Variants in FNDC3B observed in about 807,000 individuals in gnomAD.
FNDC3B encodes the protein fibronectin type III domain containing 3B, also known as fibronectin type III domain-containing protein 3B.
In FNDC3B, 12 loss-of-function variants were observed where a neutral mutation model predicts 151.5. That is an observed-to-expected ratio of 0.08 (90% CI 0.05 to 0.13). FNDC3B has a LOEUF of 0.13. Ranked by LOEUF, FNDC3B falls within the 10% of genes least tolerant of loss-of-function variation. The probability of loss-of-function intolerance (pLI) is 1.00; values close to 1 mark genes in which losing one functional copy is unlikely to be tolerated. For synonymous variants in FNDC3B, 528 were observed against 549.0 expected, an observed-to-expected ratio of 0.96 and a Z score of 0.54; for missense variants, 1,214 against 1,505.3, an observed-to-expected ratio of 0.81 and a Z score of 3.20.
intron 6 of FNDC3B, among the ~76,000 whole-genome samples, chr3:172,252,934 T>A (rs956562990): frequency 6.6e-6 from 1 of 152,228 alleles, no homozygotes; most frequent in Non-Finnish European, 1.5e-5. Context: ...TAATTTTTAG[T>A]CAAATGATAC....
Position 172,397,145 on chromosome 3 carries a change from G to T in FNDC3B, c.3304-19G>T. The T allele has an allele frequency of 6.4e-7, 1 of 1,573,310 alleles. No homozygotes were observed. The highest frequency in any genetic ancestry group is 1.2e-5 in the South Asian group (1 of 85,522). ...GTGTTGCTATAAATTAATTAACTAG[G>T]ACTCTTCTTTTCCTGAAGGTGTACA... On this transcript the variant is annotated intron_variant, in intron 25 of 25. Coordinates refer to ENST00000415807, the MANE Select transcript of FNDC3B (RefSeq NM_022763.4).
intron 3 of FNDC3B, among the ~76,000 whole-genome samples, chr3:172,136,225 G>A (rs1721355937): frequency 6.6e-6 from 1 of 152,188 alleles, no homozygotes; most frequent in African/African-American, 2.4e-5. Flanking sequence ...CTGGATAGCA[G>A]GATGACTACT....
chr3:172,394,106 T>TAA (rs60559371), intron 25 of FNDC3B, among the ~76,000 whole-genome samples: 310 of 16,644 alleles, frequency 0.019, 31 homozygotes, highest in African/African-American at 0.064. Context: ...AGACTCCTTC[T>TAA]AAAAAAAAAA....
chr3:172,375,074 A>G (rs1398080651), intron 23 of FNDC3B, among the ~76,000 whole-genome samples: 1 of 152,170 alleles, frequency 6.6e-6, no homozygotes, highest in Non-Finnish European at 1.5e-5. Context: ...TTCTCTTTCT[A>G]TTCTTACCTC....
intron 4 of FNDC3B, among the ~76,000 whole-genome samples, chr3:172,238,841 T>C (rs1465902349): frequency 6.6e-6 from 1 of 152,136 alleles, no homozygotes; most frequent in Non-Finnish European, 1.5e-5. Context: ...ACACTGGAGA[T>C]GTTTGATCTT....
At chr3:172,289,172 T>C (rs980024911) in intron 7 of FNDC3B, among the ~76,000 whole-genome samples, 3 of 152,242 alleles carry the variant, frequency 2.0e-5, no homozygotes, top group African/African-American at 7.2e-5. Context: ...GGACAAAATC[T>C]GTTTTCTTGC....
At chr3:172,100,874 A>G (rs1231418544) in intron 1 of FNDC3B, among the ~76,000 whole-genome samples, 3 of 152,224 alleles carry the variant, frequency 2.0e-5, no homozygotes, top group Non-Finnish European at 4.4e-5. Context: ...ACTGATTTCC[A>G]TCCCCCCAAC....
chr3:172,191,923 G>A (rs1296150404), intron 3 of FNDC3B, among the ~76,000 whole-genome samples: 1 of 152,194 alleles, frequency 6.6e-6, no homozygotes, highest in Non-Finnish European at 1.5e-5. Context: ...GGCTTAGTGG[G>A]ACAAATGCAG....
chr3:172,063,323 C>T (rs968116078), intron 1 of FNDC3B, among the ~76,000 whole-genome samples: 6 of 152,164 alleles, frequency 3.9e-5, no homozygotes, highest in South Asian at 2.1e-4. Flanking sequence ...ATTCTTGTAT[C>T]GCTGATACTC....
chr3:172,269,545 C>T (rs918247089), intron 6 of FNDC3B, among the ~76,000 whole-genome samples: 11 of 152,056 alleles, frequency 7.2e-5, no homozygotes, highest in Non-Finnish European at 1.3e-4. Context: ...ACTGGGATTA[C>T]ACCTATGAGC....
At chr3:172,243,074 C>T (rs1353671673) in intron 4 of FNDC3B, among the ~76,000 whole-genome samples, 1 of 152,154 alleles carries the variant, frequency 6.6e-6, no homozygotes, top group East Asian at 1.9e-4. Flanking sequence ...CACCTTTGCT[C>T]CACAAGTTCC....
chr3:172,256,983 T>G (rs1315716817), intron 6 of FNDC3B, among the ~76,000 whole-genome samples: 2 of 151,454 alleles, frequency 1.3e-5, no homozygotes, highest in African/African-American at 4.9e-5. Context: ...CAGGCTGGAG[T>G]GCGGTGGCGC....
At chr3:172,306,834 C>T (rs375808971) in intron 9 of FNDC3B, 1 of 152,704 alleles carries the variant, frequency 6.5e-6, no homozygotes, top group East Asian at 1.9e-4. Context: ...GAGAAAGTCA[C>T]ACTTGTTAGC....
intron 1 of FNDC3B, among the ~76,000 whole-genome samples, chr3:172,055,787 C>CT (rs768264065): frequency 0.013 from 1,796 of 143,660 alleles, 27 homozygotes; most frequent in African/African-American, 0.034. Context: ...ATGTTTCTTT[C>CT]TTTTTTTTTT....
intron 1 of FNDC3B, among the ~76,000 whole-genome samples, chr3:172,066,381 AT>A (rs1426094031): frequency 1.3e-5 from 2 of 152,122 alleles, no homozygotes; most frequent in Non-Finnish European, 2.9e-5. Flanking sequence ...TGTGATTCCT[AT>A]TTTCCTGATG....
intron 1 of FNDC3B, among the ~76,000 whole-genome samples, chr3:172,049,083 G>T (rs2108455566): frequency 6.6e-6 from 1 of 152,302 alleles, no homozygotes; most frequent in South Asian, 2.1e-4. Flanking sequence ...CCACTAAGTT[G>T]AATGCAGAAA....
chr3:172,153,018 C>T (rs1042901705), intron 3 of FNDC3B, among the ~76,000 whole-genome samples: 3 of 152,108 alleles, frequency 2.0e-5, no homozygotes, highest in African/African-American at 7.2e-5. Context: ...CCTGTAGTGA[C>T]CACTTTTCTG....
chr3:172,332,108 TTA>T (rs1369333781), intron 13 of FNDC3B, among the ~76,000 whole-genome samples: 1 of 152,098 alleles, frequency 6.6e-6, no homozygotes, highest in Non-Finnish European at 1.5e-5. Context: ...GTAGCTGGGA[TTA>T]TAGGCACGCA....
At chr3:172,338,973 G>T (rs939967364) in intron 16 of FNDC3B, among the ~76,000 whole-genome samples, 6 of 152,002 alleles carry the variant, frequency 3.9e-5, no homozygotes, top group African/African-American at 1.4e-4. Context: ...TCCTGACCTC[G>T]TGATCCACCC....
Sources: allele counts gnomAD v4.1 joint callset (sites outside exome capture counted in the v4.1 genomes callset), GRCh38; gene constraint gnomAD v4.1.1; transcripts MANE v1.5; gene names NCBI Gene and HGNC (gene_info 2026-07-23, HGNC 2026-07-21).